The following IL21R variants were observed in gnomAD, a reference collection of about 807,000 sequenced individuals.
IL21R encodes interleukin-21 receptor.
Under a neutral mutation model 41.3 loss-of-function variants are expected in IL21R, and 14 were observed. That is an observed-to-expected ratio of 0.34 (90% CI 0.22 to 0.53). The LOEUF (loss-of-function observed/expected upper bound fraction) is 0.53. IL21R is among the 20% of genes least tolerant of loss of function. The pLI, the probability that IL21R is intolerant of heterozygous loss-of-function variation, is 0.94. For missense variants in IL21R, 588 were observed against 681.6 expected, an observed-to-expected ratio of 0.86 and a Z score of 1.53; for synonymous variants, 286 against 287.6, an observed-to-expected ratio of 0.99 and a Z score of 0.05.
intron 1 of IL21R, among the ~76,000 whole-genome samples, chr16:27,405,449 C>T (rs1000836211): frequency 2.0e-5 from 3 of 152,202 alleles, no homozygotes; most frequent in Non-Finnish European, 2.9e-5. Flanking sequence ...AATAAGAGCT[C>T]TTATGATGAT....
rs2141288886 is a variant in IL21R, at chr16:27,433,604, A to G, written c.50-743A>G. ...TTAACAAAATGTAGATGATGATTGCACCCCTGTTTTAGAACACAGCGAAAC... is the reference window on the plus strand; with the variant it reads ...TTAACAAAATGTAGATGATGATTGCGCCCCTGTTTTAGAACACAGCGAAAC... On this transcript the variant is annotated intron_variant, in intron 2 of 8. Coordinates refer to ENST00000337929, the MANE Select transcript of IL21R (RefSeq NM_181078.3). 2.6e-5 allele frequency among the ~76,000 whole-genome samples: 4 copies of G among 152,318 alleles called. No homozygotes were observed. The Middle Eastern group carries it at 0.01, about 389-fold the overall frequency.
At chr16:27,430,277 C>T (rs761365813) in intron 2 of IL21R, among the ~76,000 whole-genome samples, 157 bp downstream of exon 2, 9 of 152,186 alleles carry the variant, frequency 5.9e-5, no homozygotes, top group African/African-American at 9.7e-5. Context: ...GTCCAGTAGC[C>T]GGCTCTCCAC....
intron 2 of IL21R, among the ~76,000 whole-genome samples, chr16:27,432,726 C>A (rs1017964033): frequency 1.3e-5 from 2 of 152,198 alleles, no homozygotes; most frequent in Non-Finnish European, 2.9e-5. Context: ...TTCACTCCAC[C>A]GACAAGTTCT....
At chr16:27,435,889 C>T (rs367859012) in intron 3 of IL21R, among the ~76,000 whole-genome samples, 3 of 152,192 alleles carry the variant, frequency 2.0e-5, no homozygotes, top group African/African-American at 7.2e-5. Flanking sequence ...CTGCCTCAAC[C>T]TCCCAAGTAT....
chr16:27,405,457 G>A (rs1251971100), intron 1 of IL21R, among the ~76,000 whole-genome samples: 1 of 152,218 alleles, frequency 6.6e-6, no homozygotes, highest in Non-Finnish European at 1.5e-5. Context: ...CTCTTATGAT[G>A]ATTCTGCTTC....
rs536728840 is a variant in IL21R at position 27,428,030 on chromosome 16, G to C, written c.-16-2026G>C. Among the ~76,000 whole-genome samples the C allele has an allele frequency of 2.6e-5, 4 of 152,198 alleles. No individual in the cohort carries two copies. The South Asian group carries it at 8.3e-4, about 32-fold the overall frequency. ...AACAGTGCACACAATATACAAATAT[G>C]GCCAAAATTTTGGATATGAGATATT... is the stretch of plus-strand genomic sequence containing the variant. On this transcript the variant is annotated intron_variant, in intron 1 of 8. Coordinates refer to ENST00000337929, the MANE Select transcript of IL21R (RefSeq NM_181078.3).
intron 7 of IL21R, 56 bp from the exon 8 acceptor site, chr16:27,445,951 G>C (rs1467544169): frequency 3.1e-5 from 44 of 1,425,660 alleles, no homozygotes; most frequent in Non-Finnish European, 4.0e-5. Context: ...GTCCGAATGG[G>C]AGGCCAGGCT....
chr16:27,413,732 A>G (rs2086854204), intron 1 of IL21R, among the ~76,000 whole-genome samples: 1 of 152,038 alleles, frequency 6.6e-6, no homozygotes, highest in African/African-American at 2.4e-5. Flanking sequence ...TCGTTGGCAT[A>G]TAATTGTTCA....
In IL21R at chr16:27,445,380, T is replaced by C. The variant is rs966434196; in HGVS notation, c.785+104T>C. The C allele has an allele frequency of 1.2e-5, 9 of 745,696 alleles. No homozygotes were observed. The African/African-American group carries it at 1.6e-4, about 13-fold the overall frequency. The allele number at this position is 745,696 out of a possible 1,614,324, so 46.2% of individuals were successfully genotyped here. On this transcript the variant is annotated intron_variant, in intron 7 of 8. Transcript: ENST00000337929. ...AACATGACTGTCATCATGGTAACAA[T>C]GATGATGATGGGATAATAACCAACT...
intron 1 of IL21R, among the ~76,000 whole-genome samples, chr16:27,413,989 C>T (rs2086857736): frequency 6.6e-6 from 1 of 151,656 alleles, no homozygotes; most frequent in Admixed American, 6.6e-5. Flanking sequence ...TTTCTGGTTC[C>T]TCAATTCTTA....
chr16:27,427,148 A>G (rs2087092076), intron 1 of IL21R: 1 of 217,906 alleles, frequency 4.6e-6, no homozygotes, highest in Admixed American at 6.5e-5. Flanking sequence ...GTTGACATCC[A>G]TCCCTGATGC....
rs75088323 is a variant in IL21R, at chr16:27,442,770, T to C, written c.353-192T>C. 7,178 of 499,418 alleles carry C rather than the reference T, an allele frequency of 0.014. 409 individuals carry two copies. Among genetic ancestry groups the C allele is most frequent in the African/African-American group, 0.12 (6,347 of 50,870 alleles). The allele number at this position is 499,418 out of a possible 1,614,324, so 30.9% of individuals were successfully genotyped here. ...AGGTCTAAATCTCCCAGGTCCCAGATGAATAAACTGAAGCCCAGAGTTGGG... is the reference window on the plus strand; with the variant it reads ...AGGTCTAAATCTCCCAGGTCCCAGACGAATAAACTGAAGCCCAGAGTTGGG... On this transcript the variant is annotated intron_variant, in intron 4 of 8. Transcript: ENST00000337929.
At chr16:27,441,124 G>A (rs528354403) in intron 4 of IL21R, among the ~76,000 whole-genome samples, 12 of 151,466 alleles carry the variant, frequency 7.9e-5, no homozygotes, top group Admixed American at 3.9e-4. Flanking sequence ...AGGAAGGAAG[G>A]AAGGAGAACA....
chr16:27,451,335 T>C lies in IL21R; in HGVS notation c.*2052T>C, dbSNP rs558042868. On this transcript the variant is annotated 3_prime_UTR_variant, in exon 9 of 9. Transcript: ENST00000337929. ...TGGTTGGGGAAGGCCTGAGGCCAGATTGGGGGACTCTGGACTGGGGCAGAT... is the reference window on the plus strand; with the variant it reads ...TGGTTGGGGAAGGCCTGAGGCCAGACTGGGGGACTCTGGACTGGGGCAGAT... The C allele has an allele frequency of 5.3e-5, 12 of 226,166 alleles. No homozygotes were observed. Among genetic ancestry groups the C allele is most frequent in the East Asian group, 1.9e-4 (3 of 15,816 alleles). The allele number at this position is 226,166 out of a possible 1,614,324, so 14.0% of individuals were successfully genotyped here.
At chr16:27,435,343 C>T (rs902268319) in intron 3 of IL21R, among the ~76,000 whole-genome samples, 5 of 152,192 alleles carry the variant, frequency 3.3e-5, no homozygotes, top group Non-Finnish European at 5.9e-5. Flanking sequence ...CAAGACTGAC[C>T]AGGCCCCAGA....
intron 1 of IL21R, among the ~76,000 whole-genome samples, chr16:27,418,668 C>T (rs1941436179): frequency 6.6e-6 from 1 of 152,174 alleles, no homozygotes; most frequent in Non-Finnish European, 1.5e-5. Context: ...CTGCGCCCCG[C>T]CAACATTTTT....
In IL21R at chr16:27,448,623, C is replaced by T. The variant is rs1596599896; in HGVS notation, c.957C>T (p.Cys319=). The T allele has an allele frequency of 1.9e-6, 3 of 1,613,138 alleles. No individual in the cohort carries two copies. The highest frequency in any genetic ancestry group is 1.1e-5 in the South Asian group (1 of 91,082). The change falls in exon 9 of 9, where the codon TGC becomes TGT. Residue 319 remains cysteine, a synonymous_variant. Coordinates refer to ENST00000337929, the MANE Select transcript of IL21R (RefSeq NM_181078.3). ...CCTCCACCCTGGAGGTGTACAGCTG[C>T]CACCCACCACGGAGCCCGGCCAAGA... is the stretch of plus-strand genomic sequence containing the variant. ...EVPSTLEVYS[C]HPPRSPAKRL...
intron 1 of IL21R, among the ~76,000 whole-genome samples, chr16:27,414,711 A>G (rs1031308303): frequency 6.6e-6 from 1 of 151,994 alleles, no homozygotes; most frequent in African/African-American, 2.4e-5. Flanking sequence ...TGTTCATTGT[A>G]CTTTCTTTTA....
intron 4 of IL21R, among the ~76,000 whole-genome samples, chr16:27,442,223 T>TGCATGTGTGTGGGTGTGCATGTGC (rs1567370886): frequency 2.8e-5 from 4 of 141,092 alleles, no homozygotes; most frequent in East Asian, 2.1e-4. Flanking sequence ...TGTGTGGGCA[T>TGCATGTGTGTGGGTGTGCATGTGC]GCATGTGTGT....
Sources: gnomAD v4.1 joint callset for allele counts (sites outside exome capture counted in the v4.1 genomes callset) on GRCh38, gnomAD v4.1.1 for gene constraint, MANE v1.5 for transcripts, NCBI Gene and HGNC (gene_info 2026-07-23, HGNC 2026-07-21) for gene names.